LAMA2: variants seen among roughly 807,000 people sequenced by gnomAD.
LAMA2 encodes the protein laminin subunit alpha 2.
In LAMA2, 269 loss-of-function variants were observed where a neutral mutation model predicts 364.8. The observed-to-expected ratio is 0.74, with a 90% CI of 0.67 to 0.82. The LOEUF is 0.82. Among genes scored for constraint, LAMA2 ranks in the 40% least tolerant of loss-of-function variants. LAMA2 has a pLI of 0.00. For missense variants in LAMA2, 3,807 were observed against 3,873.2 expected, an observed-to-expected ratio of 0.98 and a Z score of 0.45; for synonymous variants, 1,379 against 1,370.6, an observed-to-expected ratio of 1.01 and a Z score of -0.14.
chr6:129,441,120 T>C (rs780381594), intron 43 of LAMA2, 122 bp downstream of exon 43: 23 of 860,966 alleles, frequency 2.7e-5, no homozygotes, highest in Non-Finnish European at 4.4e-5. Context: ...CTTCCTTCTT[T>C]CATAGATTGG....
chr6:129,192,632 T>C, intron 11 of LAMA2, 48 bp from the exon 12 acceptor site: 1 of 1,548,104 alleles, frequency 6.5e-7, no homozygotes, highest in Non-Finnish European at 8.9e-7. Flanking sequence ...GAAAAGCAGC[T>C]GATAGATATT....
At chr6:129,160,621 ATT>A (rs1779392323) in intron 8 of LAMA2, among the ~76,000 whole-genome samples, 1 of 151,322 alleles carries the variant, frequency 6.6e-6, no homozygotes, top group Non-Finnish European at 1.5e-5. Flanking sequence ...TTTAAATTTC[ATT>A]TTCTTTTTCT....
chr6:129,435,096 A>G (rs181619569), intron 41 of LAMA2, among the ~76,000 whole-genome samples: 1 of 152,266 alleles, frequency 6.6e-6, no homozygotes, highest in African/African-American at 2.4e-5. Flanking sequence ...TAATTGGCCC[A>G]GTTGTTCAGC....
intron 34 of LAMA2, among the ~76,000 whole-genome samples, chr6:129,376,673 AG>A (rs1274695860): frequency 1.3e-5 from 2 of 152,146 alleles, no homozygotes; most frequent in Non-Finnish European, 2.9e-5. Flanking sequence ...TTTGCCTTAA[AG>A]GTAATCTACC....
chr6:129,092,898 G>A (rs1285841336), intron 3 of LAMA2, among the ~76,000 whole-genome samples: 1 of 152,036 alleles, frequency 6.6e-6, no homozygotes, highest in Non-Finnish European at 1.5e-5. Context: ...TCACACTTTG[G>A]CTGGGTCTCT....
intron 32 of LAMA2, among the ~76,000 whole-genome samples, chr6:129,361,011 A>T (rs1027929307): frequency 1.2e-4 from 18 of 152,218 alleles, no homozygotes; most frequent in Admixed American, 7.9e-4. Context: ...TCTTGGAAAT[A>T]GGTAGGTTAT....
At chr6:129,092,414 A>G (rs1203085429) in intron 3 of LAMA2, among the ~76,000 whole-genome samples, 1 of 152,196 alleles carries the variant, frequency 6.6e-6, no homozygotes, top group Non-Finnish European at 1.5e-5. Context: ...CTGATATTGT[A>G]TAACTCTCAT....
At chr6:129,167,745 C>A (rs1779855295) in intron 9 of LAMA2, among the ~76,000 whole-genome samples, 1 of 152,144 alleles carries the variant, frequency 6.6e-6, no homozygotes, top group Non-Finnish European at 1.5e-5. Flanking sequence ...ACACTGACTT[C>A]CACAATGGTT....
At chr6:128,902,481 G>GA (rs1445493483) in intron 1 of LAMA2, among the ~76,000 whole-genome samples, 2 of 151,948 alleles carry the variant, frequency 1.3e-5, no homozygotes, top group Non-Finnish European at 2.9e-5. Context: ...AGAAAAATGA[G>GA]AAAAAATCAA....
chr6:129,304,954 A>T lies in LAMA2; in HGVS notation c.3174+4082A>T, dbSNP rs147266262. Among the ~76,000 whole-genome samples, 4 of 152,264 alleles carry T rather than the reference A, an allele frequency of 2.6e-5. No individual in the cohort carries two copies. In the East Asian group the frequency reaches 7.7e-4, roughly 29 times the overall value. On this transcript the variant is annotated intron_variant, in intron 22 of 64. Transcript: ENST00000421865. ...ATAATGTGTATTCTGGAGTTGTTGG[A>T]TGAAAACTTCTATATAGGTCAATTA...
intron 2 of LAMA2, among the ~76,000 whole-genome samples, chr6:129,055,870 G>T (rs549235173): frequency 6.6e-6 from 1 of 152,162 alleles, no homozygotes; most frequent in East Asian, 1.9e-4. Context: ...GATGTTATAC[G>T]TTTCTATCTC....
chr6:128,984,578 G>A (rs1582822469), intron 1 of LAMA2, among the ~76,000 whole-genome samples: 1 of 151,972 alleles, frequency 6.6e-6, no homozygotes, highest in East Asian at 1.9e-4. Flanking sequence ...TTGCAGAATT[G>A]AATTACAAGT....
Position 128,929,613 on chromosome 6 carries a change from C to G in LAMA2, c.112+46256C>G, listed in dbSNP as rs1779324970. 4 of 1,371,884 alleles carry G rather than the reference C, an allele frequency of 2.9e-6. No individual in the cohort carries two copies. In the South Asian group the frequency reaches 3.5e-5, roughly 12 times the overall value. The allele number at this position is 1,371,884 out of a possible 1,614,324, so 85.0% of individuals were successfully genotyped here. ...GCCCCAGATGCCGCAAAAGCGCTTC[C>G]ACGATGCTGACCTGCTCAAATATGG... is the stretch of plus-strand genomic sequence containing the variant. On this transcript the variant is annotated intron_variant, in intron 1 of 64. Coordinates refer to ENST00000421865, the MANE Select transcript of LAMA2 (RefSeq NM_000426.4).
intron 3 of LAMA2, among the ~76,000 whole-genome samples, chr6:129,087,343 G>C (rs1385578256): frequency 6.6e-6 from 1 of 152,110 alleles, no homozygotes; most frequent in Non-Finnish European, 1.5e-5. Context: ...CCAAGGGAAA[G>C]ATTATTAGGA....
intron 12 of LAMA2, among the ~76,000 whole-genome samples, chr6:129,225,015 G>A (rs1784148269): frequency 6.6e-6 from 1 of 152,176 alleles, no homozygotes; most frequent in South Asian, 2.1e-4. Flanking sequence ...TTCAGAGCCT[G>A]TTATTGGTCT....
intron 34 of LAMA2, among the ~76,000 whole-genome samples, chr6:129,370,798 T>C (rs796530332): frequency 1.2e-4 from 18 of 152,232 alleles, no homozygotes; most frequent in Non-Finnish European, 7.3e-5. Flanking sequence ...TACAATTTGC[T>C]AAACTCAGGG....
rs752023164 is a variant in LAMA2, at chr6:129,144,040, A to G, written c.779A>G (p.His260Arg). The part of the protein sequence containing the change: ...TLNADLMMFA[H>R]KDPREIDPIV... ...AATGCTGACTTGATGATGTTTGCTC[A>G]CAAAGACCCAAGAGAAATTGACCCC... The change falls in exon 5 of 65, where the codon CAC becomes CGC. Residue 260 changes from histidine to arginine, a missense_variant. Transcript: ENST00000421865. 2 of 1,612,626 alleles carry G rather than the reference A, an allele frequency of 1.2e-6. No homozygotes were observed. Among genetic ancestry groups the G allele is most frequent in the Non-Finnish European group, 1.7e-6 (2 of 1,179,030 alleles).
At chr6:129,409,463 A>T (rs1011860625) in intron 40 of LAMA2, among the ~76,000 whole-genome samples, 1 of 152,192 alleles carries the variant, frequency 6.6e-6, no homozygotes, top group Non-Finnish European at 1.5e-5. Context: ...ACAGTTGATG[A>T]TGGAAGGCTG....
intron 4 of LAMA2, among the ~76,000 whole-genome samples, chr6:129,120,395 T>C (rs1054639336): frequency 6.6e-6 from 1 of 152,216 alleles, no homozygotes; most frequent in African/African-American, 2.4e-5. Flanking sequence ...TTCCATGGGA[T>C]AGTGTCAGTC....
Sources: allele counts gnomAD v4.1 joint callset (sites outside exome capture counted in the v4.1 genomes callset), GRCh38; gene constraint gnomAD v4.1.1; transcripts MANE v1.5; gene names NCBI Gene and HGNC (gene_info 2026-07-23, HGNC 2026-07-21).